The following CSGALNACT1 variants were observed in gnomAD, a reference collection of about 807,000 sequenced individuals.
The protein encoded by CSGALNACT1 is beta4GalNAcT-1.
Under a neutral mutation model 51.0 loss-of-function variants are expected in CSGALNACT1, and 52 were observed. That is an observed-to-expected ratio of 1.02 (90% CI 0.82 to 1.29). CSGALNACT1 has a LOEUF of 1.29. Among genes scored for constraint, CSGALNACT1 ranks in the 50% most tolerant of loss-of-function variants. The pLI is 0.00. For synonymous variants in CSGALNACT1, 341 were observed against 254.4 expected, an observed-to-expected ratio of 1.34 and a Z score of -3.24; for missense variants, 935 against 679.2, an observed-to-expected ratio of 1.38 and a Z score of -4.19.
At chr8:19,679,555 G>A (rs1485346653) in intron 1 of CSGALNACT1, among the ~76,000 whole-genome samples, 1 of 152,178 alleles carries the variant, frequency 6.6e-6, no homozygotes, top group Non-Finnish European at 1.5e-5. Context: ...GACGCAGGAT[G>A]CTGACAATGC....
chr8:19,569,119 G>C (rs1354690001), intron 3 of CSGALNACT1, among the ~76,000 whole-genome samples: 1 of 152,242 alleles, frequency 6.6e-6, no homozygotes, highest in African/African-American at 2.4e-5. Context: ...TAAGGAGACA[G>C]ATATGGAGTA....
intron 1 of CSGALNACT1, among the ~76,000 whole-genome samples, chr8:19,703,078 G>A (rs2061970396): frequency 1.3e-5 from 2 of 152,176 alleles, no homozygotes; most frequent in Admixed American, 1.3e-4. Flanking sequence ...GGGGAAGAAG[G>A]GAGGTCATTG....
chr8:19,678,155 C>A (rs1300060667), intron 1 of CSGALNACT1, among the ~76,000 whole-genome samples: 1 of 152,046 alleles, frequency 6.6e-6, no homozygotes, highest in Non-Finnish European at 1.5e-5. Context: ...AGTCATACTG[C>A]AAATATGTTT....
chr8:19,653,392 T>A (rs919268845), intron 1 of CSGALNACT1, among the ~76,000 whole-genome samples: 8 of 152,154 alleles, frequency 5.3e-5, no homozygotes, highest in African/African-American at 1.7e-4. Flanking sequence ...ATTGTCCCCC[T>A]CAGACTCCTT....
intron 1 of CSGALNACT1, among the ~76,000 whole-genome samples, chr8:19,690,126 C>T (rs2061218518): frequency 6.6e-6 from 1 of 152,160 alleles, no homozygotes; most frequent in African/African-American, 2.4e-5. Context: ...CTGGATAAAA[C>T]TTTTTTGGAA....
intron 3 of CSGALNACT1, among the ~76,000 whole-genome samples, chr8:19,572,688 G>A (rs1000941848): frequency 1.3e-5 from 2 of 152,170 alleles, no homozygotes; most frequent in Non-Finnish European, 2.9e-5. Flanking sequence ...TGCAAGGCAC[G>A]ATTCCCATGC....
At chr8:19,670,923 G>A (rs73599245) in intron 1 of CSGALNACT1, among the ~76,000 whole-genome samples, 1 of 152,132 alleles carries the variant, frequency 6.6e-6, no homozygotes. Context: ...CTCCACAAGT[G>A]CCATGGGGAC....
chr8:19,685,164 C>T (rs139676202), upstream of CSGALNACT1, among the ~76,000 whole-genome samples: 72 of 152,272 alleles, frequency 4.7e-4, 1 homozygote, highest in African/African-American at 1.3e-3. Context: ...AAAAACCTGA[C>T]GAAGCAAGGC....
intron 1 of CSGALNACT1, among the ~76,000 whole-genome samples, chr8:19,647,513 A>C (rs147105025): frequency 0.011 from 1,614 of 152,316 alleles, 15 homozygotes; most frequent in Non-Finnish European, 0.017. Flanking sequence ...TCCTCAGCTC[A>C]TCTGAATACT....
chr8:19,701,446 AC>A, intron 1 of CSGALNACT1, among the ~76,000 whole-genome samples: 1 of 152,104 alleles, frequency 6.6e-6, no homozygotes, highest in South Asian at 2.1e-4. Flanking sequence ...GAGCCACTGC[AC>A]CAAGCCTACT....
At chr8:19,405,655 C>G in exon 10 of CSGALNACT1, 1 of 1,256,590 alleles carries the variant, frequency 8.0e-7, no homozygotes, top group Non-Finnish European at 1.1e-6. Flanking sequence ...CGGAGGCTTT[C>G]TCATCTCTGA....
chr8:19,466,808 T>C (rs1009394604), intron 4 of CSGALNACT1, among the ~76,000 whole-genome samples: 10 of 152,184 alleles, frequency 6.6e-5, no homozygotes, highest in Non-Finnish European at 1.0e-4. Flanking sequence ...GTCCCTACTT[T>C]CCCGTGCATC....
chr8:19,703,645 C>T (rs145275560), intron 1 of CSGALNACT1, among the ~76,000 whole-genome samples: 3 of 152,130 alleles, frequency 2.0e-5, no homozygotes, highest in Admixed American at 6.6e-5. Flanking sequence ...CTTCAGGTAA[C>T]TGGAGAGTTG....
At chr8:19,557,078 C>T (rs1333780842) in intron 3 of CSGALNACT1, among the ~76,000 whole-genome samples, 2 of 151,886 alleles carry the variant, frequency 1.3e-5, no homozygotes, top group East Asian at 3.9e-4. Context: ...ATGCTTTATT[C>T]AGGTGAAAAG....
intron 3 of CSGALNACT1, among the ~76,000 whole-genome samples, chr8:19,508,835 C>T (rs1014905162): frequency 2.0e-5 from 3 of 152,252 alleles, no homozygotes; most frequent in East Asian, 3.9e-4. Context: ...TAACTGAACA[C>T]TATTTAAAAA....
At chr8:19,449,458 C>T (rs1296626102) in intron 5 of CSGALNACT1, among the ~76,000 whole-genome samples, 1 of 152,174 alleles carries the variant, frequency 6.6e-6, no homozygotes, top group African/African-American at 2.4e-5. Flanking sequence ...CATGATCCAA[C>T]ATTTGCTGAC....
chr8:19,436,551 T>C (rs904266745), intron 6 of CSGALNACT1, among the ~76,000 whole-genome samples: 19 of 152,184 alleles, frequency 1.2e-4, no homozygotes, highest in Non-Finnish European at 2.6e-4. Context: ...ACAAAAGCTT[T>C]ATCACCTTAA....
intron 5 of CSGALNACT1, among the ~76,000 whole-genome samples, chr8:19,452,865 G>A (rs996320701): frequency 1.3e-5 from 2 of 151,826 alleles, no homozygotes; most frequent in Admixed American, 6.6e-5. Context: ...CTTCAACAAA[G>A]GCTGCACAAA....
chr8:19,493,871 T>TACACACACAC (rs57708862), intron 4 of CSGALNACT1, among the ~76,000 whole-genome samples: 2 of 149,000 alleles, frequency 1.3e-5, no homozygotes, highest in African/African-American at 2.5e-5. Flanking sequence ...TGTGTGTTTA[T>TACACACACAC]ACACACACAC....
Sources: gnomAD v4.1 joint callset for allele counts (sites outside exome capture counted in the v4.1 genomes callset) on GRCh38, gnomAD v4.1.1 for gene constraint, MANE v1.5 for transcripts, NCBI Gene and HGNC (gene_info 2026-07-23, HGNC 2026-07-21) for gene names.